HDAC9: variants seen among roughly 807,000 people sequenced by gnomAD.
HDAC9 encodes the protein histone deacetylase 9.
Under a neutral mutation model 139.4 loss-of-function variants are expected in HDAC9, and 41 were observed. The ratio of observed to expected loss-of-function variants is 0.29; its 90% CI spans 0.23 to 0.38. HDAC9 has a LOEUF of 0.38. HDAC9 is among the 10% of genes least tolerant of loss of function. HDAC9 has a pLI of 1.00. For missense variants in HDAC9, 1,147 were observed against 1,297.0 expected (o/e 0.88, Z 1.78); for synonymous variants, 517 against 476.2 (o/e 1.09, Z -1.12).
intron 2 of HDAC9, among the ~76,000 whole-genome samples, chr7:18,536,464 A>G (rs1810951986): frequency 6.6e-6 from 1 of 152,232 alleles, no homozygotes; most frequent in Non-Finnish European, 1.5e-5. Flanking sequence ...TCAACAGGAC[A>G]TTATTATATG....
intron 1 of HDAC9, chr7:18,162,188 A>G (rs1666769243): frequency 9.7e-6 from 7 of 721,142 alleles, no homozygotes; most frequent in Non-Finnish European, 1.2e-5. Context: ...GTGACTTGAT[A>G]TAGCTTGTAT....
Position 18,628,104 on chromosome 7 carries a change from C to T in HDAC9, c.665-1246C>T, listed in dbSNP as rs113445902. Reference sequence around the variant, plus strand: ...TATTTTCACTGATAAAATCTGGCTACATTATAACATTGTGTCTGCTCTAGA... The same window carrying T: ...TATTTTCACTGATAAAATCTGGCTATATTATAACATTGTGTCTGCTCTAGA... On this transcript the variant is annotated intron_variant, in intron 6 of 25. Coordinates refer to ENST00000686413, the MANE Select transcript of HDAC9 (RefSeq NM_178425.4). Among the ~76,000 whole-genome samples, 919 of 152,258 alleles carry T rather than the reference C, an allele frequency of 6.0e-3. 13 individuals carry two copies. The highest frequency in any genetic ancestry group is 0.022 in the African/African-American group (894 of 41,544).
intron 1 of HDAC9, among the ~76,000 whole-genome samples, chr7:18,384,585 T>A (rs557609365): frequency 3.3e-5 from 5 of 152,314 alleles, no homozygotes; most frequent in African/African-American, 1.2e-4. Context: ...AAATACATAA[T>A]GGCGTTCTGC....
intron 22 of HDAC9, among the ~76,000 whole-genome samples, chr7:18,884,051 TG>T (rs1203971921): frequency 6.6e-6 from 1 of 152,064 alleles, no homozygotes; most frequent in African/African-American, 2.4e-5. Context: ...TTGAAGAAGA[TG>T]TAAGTAAATG....
intron 24 of HDAC9, among the ~76,000 whole-genome samples, chr7:18,966,728 T>C (rs1438464373): frequency 6.7e-6 from 1 of 150,096 alleles, no homozygotes; most frequent in African/African-American, 2.5e-5. Context: ...AAAAAAAAGA[T>C]AGAGTTAGGG....
intron 2 of HDAC9, among the ~76,000 whole-genome samples, chr7:18,204,090 C>T (rs1791325063): frequency 6.6e-6 from 1 of 151,956 alleles, no homozygotes; most frequent in Non-Finnish European, 1.5e-5. Context: ...GTCAGAGAAA[C>T]AAAGAGGGAC....
chr7:18,221,930 A>G (rs774237390), intron 2 of HDAC9, among the ~76,000 whole-genome samples: 3 of 152,182 alleles, frequency 2.0e-5, no homozygotes, highest in Non-Finnish European at 4.4e-5. Context: ...AATGCAAAAT[A>G]TCTGATCTCA....
At chr7:18,356,190 T>C (rs2128681044) in intron 1 of HDAC9, among the ~76,000 whole-genome samples, 1 of 152,096 alleles carries the variant, frequency 6.6e-6, no homozygotes, top group East Asian at 1.9e-4. Flanking sequence ...ATTCAGAATT[T>C]CCCGTACATG....
intron 15 of HDAC9, among the ~76,000 whole-genome samples, chr7:18,764,855 G>T (rs1319433416): frequency 6.6e-6 from 1 of 152,064 alleles, no homozygotes; most frequent in Non-Finnish European, 1.5e-5. Context: ...AGGAGGAAGG[G>T]TTTAAATAAA....
intron 12 of HDAC9, among the ~76,000 whole-genome samples, chr7:18,690,426 T>C (rs1194247979): frequency 2.0e-5 from 3 of 152,166 alleles, no homozygotes; most frequent in South Asian, 2.1e-4. Flanking sequence ...AGATTGATGC[T>C]GAAAAGGTGT....
intron 22 of HDAC9, among the ~76,000 whole-genome samples, chr7:18,922,865 T>C (rs1474628010): frequency 6.6e-6 from 1 of 152,108 alleles, no homozygotes; most frequent in Non-Finnish European, 1.5e-5. Flanking sequence ...TCCTAAGCAG[T>C]TAACATTTTT....
chr7:18,518,742 G>A (rs1804025077), intron 2 of HDAC9, among the ~76,000 whole-genome samples: 1 of 152,228 alleles, frequency 6.6e-6, no homozygotes, highest in Admixed American at 6.5e-5. Context: ...GGAAAGGCCA[G>A]TAATAGCCCT....
At chr7:18,724,276 G>C (rs1030378039) in intron 12 of HDAC9, among the ~76,000 whole-genome samples, 2 of 152,038 alleles carry the variant, frequency 1.3e-5, no homozygotes, top group Non-Finnish European at 2.9e-5. Context: ...TACCTACACA[G>C]ACCTAGATGG....
intron 6 of HDAC9, among the ~76,000 whole-genome samples, chr7:18,598,989 A>C (rs1035573749): frequency 6.6e-6 from 1 of 152,208 alleles, no homozygotes; most frequent in African/African-American, 2.4e-5. Context: ...CAACCTGGGT[A>C]ACATAGGGAG....
At chr7:18,104,096 G>A (rs550952849) in intron 1 of HDAC9, among the ~76,000 whole-genome samples, 1 of 152,160 alleles carries the variant, frequency 6.6e-6, no homozygotes, top group Non-Finnish European at 1.5e-5. Context: ...AGTACCCAGA[G>A]AAAACCCGTG....
chr7:18,187,554 C>T (rs1790010387), intron 2 of HDAC9, among the ~76,000 whole-genome samples: 1 of 152,142 alleles, frequency 6.6e-6, no homozygotes, highest in Non-Finnish European at 1.5e-5. Context: ...ACTCTATTCC[C>T]CTCCACATCA....
At chr7:18,429,337 T>G (rs1790416722) in intron 1 of HDAC9, 1 of 152,212 alleles carries the variant, frequency 6.6e-6, no homozygotes, top group South Asian at 2.1e-4. Context: ...TGTTCTTTCT[T>G]TTATCTTACC....
chr7:18,348,580 A>G (rs1362794343), intron 1 of HDAC9, among the ~76,000 whole-genome samples: 2 of 152,212 alleles, frequency 1.3e-5, no homozygotes, highest in South Asian at 2.1e-4. Flanking sequence ...ATACACCAAG[A>G]TTTCATTATG....
At chr7:18,744,730 G>A (rs1405646962) in intron 13 of HDAC9, among the ~76,000 whole-genome samples, 2 of 151,950 alleles carry the variant, frequency 1.3e-5, no homozygotes, top group Non-Finnish European at 2.9e-5. Flanking sequence ...AATAAAGAAG[G>A]AAAGATACTA....
Sources: gnomAD v4.1 joint callset for allele counts (sites outside exome capture counted in the v4.1 genomes callset) on GRCh38, gnomAD v4.1.1 for gene constraint, MANE v1.5 for transcripts, NCBI Gene and HGNC (gene_info 2026-07-23, HGNC 2026-07-21) for gene names.